Variants in LRRTM4 observed in about 807,000 individuals in gnomAD.
LRRTM4 encodes leucine rich repeat transmembrane neuronal 4, also known as leucine-rich repeat transmembrane neuronal protein 4.
Under a neutral mutation model 47.6 loss-of-function variants are expected in LRRTM4, and 25 were observed. That is an observed-to-expected ratio of 0.53 (90% CI 0.38 to 0.73). LRRTM4 has a LOEUF of 0.73. LRRTM4 is among the 30% of genes least tolerant of loss of function. The pLI is 0.00. For missense variants in LRRTM4, 638 were observed against 713.4 expected (o/e 0.89, Z 1.20); for synonymous variants, 311 against 269.5 (o/e 1.15, Z -1.51).
chr2:77,057,806 C>T (rs926765676), intron 3 of LRRTM4, among the ~76,000 whole-genome samples: 9 of 152,022 alleles, frequency 5.9e-5, no homozygotes, highest in African/African-American at 2.2e-4. Context: ...TAAATGACAC[C>T]TCTATTAAGG....
chr2:77,123,605 C>T (rs112474423), intron 3 of LRRTM4, among the ~76,000 whole-genome samples: 70 of 152,016 alleles, frequency 4.6e-4, no homozygotes, highest in African/African-American at 1.6e-3. Flanking sequence ...GGAAAAAAAT[C>T]GCTTTTTTGA....
At chr2:76,859,120 C>T (rs1237956858) in intron 3 of LRRTM4, among the ~76,000 whole-genome samples, 1 of 152,092 alleles carries the variant, frequency 6.6e-6, no homozygotes, top group Non-Finnish European at 1.5e-5. Flanking sequence ...ATTTTATTTG[C>T]ACTTCATAAA....
chr2:77,253,175 C>T (rs1208147208), intron 3 of LRRTM4, among the ~76,000 whole-genome samples: 1 of 152,058 alleles, frequency 6.6e-6, no homozygotes, highest in Non-Finnish European at 1.5e-5. Context: ...TTAGTCCTAC[C>T]ATTTTCAAAC....
intron 3 of LRRTM4, among the ~76,000 whole-genome samples, chr2:77,480,196 G>A (rs1016921466): frequency 1.3e-5 from 2 of 151,678 alleles, no homozygotes; most frequent in Admixed American, 6.6e-5. Context: ...CTGACTAATC[G>A]GTGAAGTTGA....
chr2:77,375,526 T>G (rs11676547), intron 3 of LRRTM4, among the ~76,000 whole-genome samples: 48,255 of 151,554 alleles, frequency 0.32, 8,771 homozygotes, highest in East Asian at 0.56. Flanking sequence ...CAATACTGTA[T>G]AGCAGATCTC....
At chr2:77,420,450 C>A (rs1300957466) in intron 3 of LRRTM4, among the ~76,000 whole-genome samples, 1 of 152,136 alleles carries the variant, frequency 6.6e-6, no homozygotes, top group Non-Finnish European at 1.5e-5. Context: ...AATTTAAACG[C>A]AGCTTTATTG....
intron 3 of LRRTM4, among the ~76,000 whole-genome samples, chr2:77,347,350 A>G (rs1671599993): frequency 6.6e-6 from 1 of 152,150 alleles, no homozygotes; most frequent in Non-Finnish European, 1.5e-5. Flanking sequence ...ATTTAAATTA[A>G]TAGCTATTTC....
intron 3 of LRRTM4, among the ~76,000 whole-genome samples, chr2:77,350,242 C>G (rs190829745): frequency 7.3e-6 from 1 of 137,624 alleles, no homozygotes; most frequent in Non-Finnish European, 1.5e-5. Context: ...AGGAGAATGG[C>G]GTGAACCCGG....
chr2:77,088,346 T>G (rs1680797213), intron 3 of LRRTM4, among the ~76,000 whole-genome samples: 1 of 152,084 alleles, frequency 6.6e-6, no homozygotes, highest in Non-Finnish European at 1.5e-5. Context: ...CCACCTTAAC[T>G]GATGACATTC....
rs1477216801 is a variant in LRRTM4 at position 77,182,549 on chromosome 2, AATT to A, written c.1551+335766_1551+335768del. 2.0e-5 allele frequency among the ~76,000 whole-genome samples: 3 copies of A among 152,094 alleles called. No individual in the cohort carries two copies. The East Asian group carries it at 5.8e-4, about 29-fold the overall frequency. Reference sequence around the variant, plus strand: ...ACATGTATCCTGGAACTTAAAGTAAAATTAAAAAAAACATAATAGCTTAAGGAG... The same window carrying A: ...ACATGTATCCTGGAACTTAAAGTAAAAAAAAAAACATAATAGCTTAAGGAG... On this transcript the variant is annotated intron_variant, in intron 3 of 3. Transcript: ENST00000409884.
chr2:77,381,882 G>C (rs975568907), intron 3 of LRRTM4, among the ~76,000 whole-genome samples: 2 of 151,626 alleles, frequency 1.3e-5, no homozygotes, highest in Admixed American at 6.6e-5. Flanking sequence ...CTCTTCTTTT[G>C]GAAAAGAAGG....
At chr2:77,074,635 T>C (rs76120425) in intron 3 of LRRTM4, among the ~76,000 whole-genome samples, 80 of 152,272 alleles carry the variant, frequency 5.3e-4, no homozygotes, top group African/African-American at 1.8e-3. Flanking sequence ...CTGTGAATTA[T>C]AGTCTACTAC....
At chr2:77,371,627 G>A (rs1011522397) in intron 3 of LRRTM4, among the ~76,000 whole-genome samples, 9 of 151,580 alleles carry the variant, frequency 5.9e-5, no homozygotes, top group African/African-American at 2.2e-4. Context: ...CTTGCTCTAA[G>A]CCATGCTTTA....
intron 3 of LRRTM4, among the ~76,000 whole-genome samples, chr2:76,978,812 G>C (rs913039241): frequency 3.9e-5 from 6 of 152,042 alleles, no homozygotes. Context: ...CCTACAGATT[G>C]AGACTAGGAT....
At position 77,166,204 on chromosome 2, in the gene LRRTM4, C is replaced by T. The variant is rs527651400; in HGVS notation, c.1551+352114G>A. 6.8e-4 allele frequency among the ~76,000 whole-genome samples: 104 copies of T among 152,268 alleles called. 1 individual carries two copies. Among genetic ancestry groups the T allele is most frequent in the African/African-American group, 2.4e-3 (101 of 41,556 alleles). Reference sequence around the variant, plus strand: ...GCCAAATCATGAGTGAACTCCCATTCACAATGCTTCAAAGAGAATAAAATA... The same window carrying T: ...GCCAAATCATGAGTGAACTCCCATTTACAATGCTTCAAAGAGAATAAAATA... On this transcript the variant is annotated intron_variant, in intron 3 of 3. Coordinates refer to ENST00000409884, the MANE Select transcript of LRRTM4 (RefSeq NM_001134745.3).
chr2:76,891,030 C>T (rs1230761592), intron 3 of LRRTM4, among the ~76,000 whole-genome samples: 3 of 151,668 alleles, frequency 2.0e-5, no homozygotes, highest in Non-Finnish European at 4.4e-5. Flanking sequence ...AAGGTCTTGA[C>T]ATTTCGCTGG....
chr2:76,957,911 T>C (rs977767082), intron 3 of LRRTM4, among the ~76,000 whole-genome samples: 1 of 151,428 alleles, frequency 6.6e-6, no homozygotes, highest in Admixed American at 6.6e-5. Context: ...CATATATGTG[T>C]TTGTGTGTGT....
chr2:77,382,693 T>C (rs1673108545), intron 3 of LRRTM4, among the ~76,000 whole-genome samples: 1 of 152,110 alleles, frequency 6.6e-6, no homozygotes, highest in Non-Finnish European at 1.5e-5. Flanking sequence ...AACTGTTTAG[T>C]GGGAAATCAT....
intron 3 of LRRTM4, among the ~76,000 whole-genome samples, chr2:77,095,502 TGC>T (rs1670782279): frequency 8.1e-6 from 1 of 123,914 alleles, no homozygotes; most frequent in East Asian, 3.1e-4. Context: ...AAATACCATA[TGC>T]AAACTTTTTT....
Sources: allele counts gnomAD v4.1 joint callset (sites outside exome capture counted in the v4.1 genomes callset), GRCh38; gene constraint gnomAD v4.1.1; transcripts MANE v1.5; gene names NCBI Gene and HGNC (gene_info 2026-07-23, HGNC 2026-07-21).